Variants in NBEAL1 observed in about 807,000 individuals in gnomAD.
NBEAL1 encodes the protein neurobeachin like 1.
Under a neutral mutation model 351.3 loss-of-function variants are expected in NBEAL1, and 273 were observed. The observed-to-expected ratio is 0.78, with a 90% CI of 0.70 to 0.86. The LOEUF (loss-of-function observed/expected upper bound fraction) is 0.86. Among genes scored for constraint, NBEAL1 ranks in the 40% least tolerant of loss-of-function variants. The probability of loss-of-function intolerance (pLI) is 0.00; values close to 1 mark genes in which losing one functional copy is unlikely to be tolerated. For synonymous variants in NBEAL1, 1,050 were observed against 1,086.4 expected, an observed-to-expected ratio of 0.97 and a Z score of 0.66; for missense variants, 2,961 against 3,201.3, an observed-to-expected ratio of 0.92 and a Z score of 1.81.
rs2065368349 is a variant in NBEAL1, at chr2:203,200,550, C to T, written c.7239-993C>T. Among the ~76,000 whole-genome samples the T allele has an allele frequency of 2.6e-5, 4 of 151,434 alleles. No homozygotes were observed. In the South Asian group the frequency reaches 8.4e-4, roughly 32 times the overall value. On this transcript the variant is annotated intron_variant, in intron 49 of 55. Coordinates refer to ENST00000683969, the MANE Select transcript of NBEAL1 (RefSeq NM_001378026.1). ...TAAAAATAAAAATACAAAAATTAGC[C>T]AGGCATGGTAGTGGGAACCTGTAAT... is the stretch of plus-strand genomic sequence containing the variant.
chr2:203,042,459 G>C (rs1390837703), intron 3 of NBEAL1, among the ~76,000 whole-genome samples: 1 of 152,124 alleles, frequency 6.6e-6, no homozygotes, highest in Non-Finnish European at 1.5e-5. Context: ...TTCAAGTTTT[G>C]GGTGTCCAGA....
At chr2:203,171,515 A>C (rs893251593) in intron 39 of NBEAL1, among the ~76,000 whole-genome samples, 1 of 151,800 alleles carries the variant, frequency 6.6e-6, no homozygotes, top group African/African-American at 2.4e-5. Flanking sequence ...TAAGCCAGGT[A>C]GATAGCTTGA....
Position 203,175,216 on chromosome 2 carries a change from T to C in NBEAL1, c.6393T>C (p.Ser2131=). 6.2e-7 allele frequency: 1 copy of C among 1,613,938 alleles called. No homozygotes were observed. The highest frequency in any genetic ancestry group is 8.5e-7 in the Non-Finnish European group (1 of 1,179,830). Residue 2131 remains serine, a synonymous_variant, in exon 42 of 56, where the codon TCT becomes TCC. Coordinates refer to ENST00000683969, the MANE Select transcript of NBEAL1 (RefSeq NM_001378026.1). ...ACTATGGTACTCACTATTCAAATTC[T>C]GCGGGGGTCATGCACTATCTCATTC... is the stretch of plus-strand genomic sequence containing the variant. ...KFHYGTHYSN[S]AGVMHYLIRV... is the part of the protein sequence containing the mutation.
In NBEAL1 at chr2:203,190,396, C is replaced by T; in HGVS notation, c.6921+7C>T. ...ACCCTGTCAATTATTAAAGGTAAGT[C>T]AACAACTTAAGAAGTAGATTTAAGT... On this transcript the variant is annotated splice_region_variant and intron_variant, in intron 46 of 55. Coordinates refer to ENST00000683969, the MANE Select transcript of NBEAL1 (RefSeq NM_001378026.1). The T allele has an allele frequency of 6.3e-7, 1 of 1,577,292 alleles. No individual in the cohort carries two copies. Among genetic ancestry groups the T allele is most frequent in the Non-Finnish European group, 8.7e-7 (1 of 1,153,558 alleles).
At chr2:203,067,365 G>A (rs1383381776) in intron 6 of NBEAL1, among the ~76,000 whole-genome samples, 2 of 152,220 alleles carry the variant, frequency 1.3e-5, no homozygotes, top group Non-Finnish European at 2.9e-5. Flanking sequence ...CAGTGCAGTA[G>A]CAAATGAGGT....
chr2:203,136,634 T>G lies in NBEAL1; in HGVS notation c.4425T>G (p.His1475Gln), dbSNP rs771946604. 1.2e-5 allele frequency: 20 copies of G among 1,611,744 alleles called. No homozygotes were observed. Among genetic ancestry groups the G allele is most frequent in the Non-Finnish European group, 1.7e-5 (20 of 1,178,704 alleles). ...CEEELLQLLT[H>Q]ILNYVMCKGL... ...AGGAGCTTCTTCAATTACTGACACA[T>G]ATTTTGAATTATGTAATGTGTAAGG... The change falls in exon 29 of 56, where the codon CAT becomes CAG. Residue 1475 changes from histidine (H) to glutamine (Q), a missense_variant. Transcript: ENST00000683969.
chr2:203,168,566 A>G (rs1312806579), intron 38 of NBEAL1, among the ~76,000 whole-genome samples: 1 of 149,126 alleles, frequency 6.7e-6, no homozygotes, highest in Non-Finnish European at 1.5e-5. Context: ...CTGGGCAACA[A>G]GAGTGAAACT....
chr2:203,151,486 G>A lies in NBEAL1; in HGVS notation c.5484G>A (p.Trp1828Ter). The A allele has an allele frequency of 6.3e-7, 1 of 1,598,266 alleles. No individual in the cohort carries two copies. The highest frequency in any genetic ancestry group is 8.5e-7 in the Non-Finnish European group (1 of 1,173,556). ...TTAGGAAACAGAATCCAATTCACTG[G>A]AAGCTAGCTAATGTAGAGAATTATT... is the stretch of plus-strand genomic sequence containing the variant. ...WAKRKQNPIH[W>*]KLANVENYSR... Residue 1828 changes from tryptophan (W) to a stop codon, truncating the protein, a stop_gained, in exon 35 of 56, where the codon TGG becomes TGA. Coordinates refer to ENST00000683969, the MANE Select transcript of NBEAL1 (RefSeq NM_001378026.1). LOFTEE classifies it high-confidence loss of function.
chr2:203,106,600 T>C (rs565776659), intron 12 of NBEAL1, among the ~76,000 whole-genome samples: 16 of 152,240 alleles, frequency 1.1e-4, no homozygotes, highest in Non-Finnish European at 2.4e-4. Flanking sequence ...TGAAAGTTGT[T>C]TTTTTTTGTC....
chr2:203,213,061 T>G (rs2065830250), intron 54 of NBEAL1, among the ~76,000 whole-genome samples: 1 of 152,208 alleles, frequency 6.6e-6, no homozygotes, highest in African/African-American at 2.4e-5. Flanking sequence ...GTCTAACTGT[T>G]GTGTTCCTTA....
intron 24 of NBEAL1, 78 bp downstream of exon 24, chr2:203,128,015 T>G: frequency 9.1e-7 from 1 of 1,094,340 alleles, no homozygotes; most frequent in Non-Finnish European, 1.3e-6. Flanking sequence ...TATGTTTGTG[T>G]CTAGTTAAAT....
At chr2:203,112,178 GT>G in intron 16 of NBEAL1, 80 bp downstream of exon 16, 1 of 1,412,070 alleles carries the variant, frequency 7.1e-7, no homozygotes, top group Non-Finnish European at 9.4e-7. Context: ...AGAAGGTTAT[GT>G]TTATTGTAAA....
chr2:203,144,571 T>C (rs935505403), intron 31 of NBEAL1, 29 bp from the exon 32 acceptor site: 1 of 1,575,018 alleles, frequency 6.3e-7, no homozygotes, highest in Admixed American at 1.8e-5. Context: ...TTTAGTCTGC[T>C]CTTTCTCATC....
rs369294267 is a variant in NBEAL1 at position 203,199,404 on chromosome 2, A to G, written c.7195A>G (p.Asn2399Asp). The change falls in exon 49 of 56, where the codon AAT (asparagine) becomes GAT (aspartate). Residue 2399 changes from asparagine (N) to aspartate (D), a missense_variant. Transcript: ENST00000683969. The part of the protein sequence containing the change: ...GWLPYDRNIS[N>D]YFTFIKDQTV... Reference sequence around the variant, plus strand: ...GTTGCCTTATGACAGAAACATTTCTAATTACTTTACATTCATCAAGGATCA... The same window carrying G: ...GTTGCCTTATGACAGAAACATTTCTGATTACTTTACATTCATCAAGGATCA... 7.5e-6 allele frequency: 12 copies of G among 1,607,886 alleles called. No homozygotes were observed. The highest frequency in any genetic ancestry group is 1.0e-5 in the Non-Finnish European group (12 of 1,174,984).
At chr2:203,078,862 A>G (rs1262128113) in intron 8 of NBEAL1, among the ~76,000 whole-genome samples, 9 of 152,212 alleles carry the variant, frequency 5.9e-5, no homozygotes, top group African/African-American at 1.7e-4. Flanking sequence ...AAATGCAGTT[A>G]CTAAAATATT....
intron 41 of NBEAL1, among the ~76,000 whole-genome samples, chr2:203,174,408 G>A (rs1487471600): frequency 6.6e-6 from 1 of 151,736 alleles, no homozygotes; most frequent in South Asian, 2.1e-4. Context: ...ATATTGTTAT[G>A]AACAATATAT....
At position 203,222,584 on chromosome 2, in the gene NBEAL1, T is replaced by A. The variant is rs1414035671; in HGVS notation, c.*5230T>A. ...TGAGTTATTTTTATCATGAACTCTC[T>A]TTAGACTGTTCACATTTGAAAATTA... On this transcript the variant is annotated 3_prime_UTR_variant, in exon 56 of 56. Transcript: ENST00000683969. Among the ~76,000 whole-genome samples the A allele has an allele frequency of 6.6e-6, 1 of 152,210 alleles. No individual in the cohort carries two copies. The highest frequency in any genetic ancestry group is 1.5e-5 in the Non-Finnish European group (1 of 68,020).
chr2:203,120,082 A>T (rs1253866054), intron 18 of NBEAL1, among the ~76,000 whole-genome samples: 1 of 152,218 alleles, frequency 6.6e-6, no homozygotes, highest in African/African-American at 2.4e-5. Context: ...CTAAAGCAAA[A>T]TAAATTTTTT....
Position 203,197,414 on chromosome 2 carries a change from C to A in NBEAL1, c.7128+23C>A, listed in dbSNP as rs763552749. 6 of 1,372,026 alleles carry A rather than the reference C, an allele frequency of 4.4e-6. No homozygotes were observed. The East Asian group carries it at 1.1e-4, about 26-fold the overall frequency. The allele number at this position is 1,372,026 out of a possible 1,614,324, so 85.0% of individuals were successfully genotyped here. The stretch of plus-strand genomic sequence containing the variant: ...CTGGTAAGTTGATTTTTACCTTTTT[C>A]ACACTGCTATGCCTATATTCATTAC... On this transcript the variant is annotated intron_variant, in intron 48 of 55. Transcript: ENST00000683969.
Sources: allele counts gnomAD v4.1 joint callset (sites outside exome capture counted in the v4.1 genomes callset), GRCh38; gene constraint gnomAD v4.1.1; transcripts MANE v1.5; gene names NCBI Gene and HGNC (gene_info 2026-07-23, HGNC 2026-07-21).